KIAA1217: variants seen among roughly 807,000 people sequenced by gnomAD.
KIAA1217 encodes the protein KIAA1217, also known as sickle tail protein homolog.
Under a neutral mutation model 163.9 loss-of-function variants are expected in KIAA1217, and 88 were observed. That is an observed-to-expected ratio of 0.54 (90% CI 0.45 to 0.64). KIAA1217 has a LOEUF of 0.64. KIAA1217 is among the 30% of genes least tolerant of loss of function. The pLI is 0.00. For synonymous variants in KIAA1217, 903 were observed against 923.1 expected, an observed-to-expected ratio of 0.98 and a Z score of 0.39; for missense variants, 2,372 against 2,475.0, an observed-to-expected ratio of 0.96 and a Z score of 0.88.
intron 6 of KIAA1217, among the ~76,000 whole-genome samples, chr10:24,483,232 A>G (rs920404161): frequency 1.3e-5 from 2 of 152,246 alleles, no homozygotes; most frequent in Middle Eastern, 3.4e-3. Flanking sequence ...ACATTTCGCT[A>G]TCCTGCTGCC....
rs544191771 is a variant in KIAA1217, at chr10:23,943,973, A to C, written c.-320-63252A>C. ...AAAATAAAAGCTAAAACTAAAAAAC[A>C]TCTAGAAGCAAATATAGGTCAATCT... On this transcript the variant is annotated intron_variant, in intron 1 of 18. Coordinates refer to the KIAA1217 transcript ENST00000376462. Among the ~76,000 whole-genome samples, 7 of 152,370 alleles carry C rather than the reference A, an allele frequency of 4.6e-5. No individual in the cohort carries two copies. In the South Asian group the frequency reaches 8.3e-4, roughly 18 times the overall value.
At chr10:24,098,767 GAGAC>G (rs1368059512) in intron 2 of KIAA1217, among the ~76,000 whole-genome samples, 2 of 151,252 alleles carry the variant, frequency 1.3e-5, no homozygotes, top group Non-Finnish European at 3.0e-5. Flanking sequence ...GTGTTAGAGA[GAGAC>G]AGACAGACAC....
At chr10:24,517,172 T>TAA (rs34657439) in intron 10 of KIAA1217, among the ~76,000 whole-genome samples, 6 of 141,758 alleles carry the variant, frequency 4.2e-5, no homozygotes, top group Non-Finnish European at 7.8e-5. Context: ...AAAACCCTGT[T>TAA]AAAAAAAAAA....
At chr10:23,796,939 A>G (rs1836236136) in intron 1 of KIAA1217, among the ~76,000 whole-genome samples, 1 of 152,082 alleles carries the variant, frequency 6.6e-6, no homozygotes, top group African/African-American at 2.4e-5. Flanking sequence ...TGCAGCCTCA[A>G]TCTCCTGGGC....
chr10:24,219,767 G>T lies in KIAA1217; in HGVS notation c.212G>T (p.Gly71Val). 1 of 1,613,932 alleles carries T rather than the reference G, an allele frequency of 6.2e-7. No homozygotes were observed. The highest frequency in any genetic ancestry group is 8.5e-7 in the Non-Finnish European group (1 of 1,179,932). ...RNIPRRHTLGGPRSSKEILGM... is the reference protein window; with the variant it reads ...RNIPRRHTLGVPRSSKEILGM... ...ATCCCAAGGAGACACACCCTAGGGG[G>T]GCCCCGAAGTTCCAAGGAAATACTG... Residue 71 changes from glycine to valine, a missense_variant, in exon 2 of 21, where the codon GGG becomes GTG. Gly to Val is a moderately radical substitution (Grantham distance 109). Coordinates refer to ENST00000376454, the MANE Select transcript of KIAA1217 (RefSeq NM_019590.5).
chr10:23,804,698 AGCATATGATAGAAATATCATATTTATG>A (rs1321149292), intron 1 of KIAA1217, among the ~76,000 whole-genome samples: 1 of 152,194 alleles, frequency 6.6e-6, no homozygotes, highest in African/African-American at 2.4e-5. Context: ...TGCTTTATAC[AGCATATGATAGAAATATCATATTTATG>A]GCATATGTCA....
intron 1 of KIAA1217, among the ~76,000 whole-genome samples, chr10:23,934,503 T>G (rs1213062486): frequency 8.7e-6 from 1 of 114,942 alleles, no homozygotes; most frequent in Non-Finnish European, 1.7e-5. Flanking sequence ...TTTTCTTTCT[T>G]TTCTTTTTTT....
At chr10:23,871,672 C>T (rs1281178392) in intron 1 of KIAA1217, among the ~76,000 whole-genome samples, 2 of 152,074 alleles carry the variant, frequency 1.3e-5, no homozygotes, top group Non-Finnish European at 2.9e-5. Flanking sequence ...TTACAATCCA[C>T]CATGACTTTC....
At chr10:23,705,940 T>A (rs572573536) in intron 1 of KIAA1217, among the ~76,000 whole-genome samples, 1 of 152,274 alleles carries the variant, frequency 6.6e-6, no homozygotes, top group African/African-American at 2.4e-5. Flanking sequence ...TTTTCAACAT[T>A]GTTGCATAGT....
intron 11 of KIAA1217, among the ~76,000 whole-genome samples, chr10:24,521,060 T>TTTTG (rs1300747497): frequency 1.1e-4 from 16 of 148,780 alleles, no homozygotes; most frequent in African/African-American, 3.9e-4. Context: ...TTTTTTTTTT[T>TTTTG]TCTGGCCAGG....
chr10:24,036,212 A>G (rs996606224), intron 2 of KIAA1217, among the ~76,000 whole-genome samples: 3 of 152,196 alleles, frequency 2.0e-5, no homozygotes, highest in Admixed American at 1.3e-4. Flanking sequence ...AGAAACCAGG[A>G]AGAGAGTTCA....
chr10:23,828,332 G>T (rs1330590682), intron 1 of KIAA1217, among the ~76,000 whole-genome samples: 1 of 152,166 alleles, frequency 6.6e-6, no homozygotes, highest in African/African-American at 2.4e-5. Context: ...AGCAGATGGA[G>T]TAGGGACTCC....
chr10:24,182,169 C>G (rs2066202079), intron 2 of KIAA1217, among the ~76,000 whole-genome samples: 1 of 152,134 alleles, frequency 6.6e-6, no homozygotes, highest in African/African-American at 2.4e-5. Context: ...GAAGCAGTGG[C>G]TTATGCCTGT....
intron 9 of KIAA1217, among the ~76,000 whole-genome samples, chr10:24,502,338 G>C (rs1371847912): frequency 7.2e-6 from 1 of 138,334 alleles, no homozygotes; most frequent in Non-Finnish European, 1.5e-5. Flanking sequence ...AGGAAAAAAA[G>C]CCATCATGGT....
chr10:24,378,361 C>G (rs1306646135), intron 2 of KIAA1217, among the ~76,000 whole-genome samples: 1 of 152,108 alleles, frequency 6.6e-6, no homozygotes, highest in Non-Finnish European at 1.5e-5. Flanking sequence ...GAGTGGGTAG[C>G]CCTGTACTTT....
At chr10:24,212,659 C>T (rs1420692121) in intron 1 of KIAA1217, among the ~76,000 whole-genome samples, 1 of 152,206 alleles carries the variant, frequency 6.6e-6, no homozygotes, top group Non-Finnish European at 1.5e-5. Flanking sequence ...TCCCGGTGAG[C>T]ACGAGTGCCG....
chr10:24,195,713 G>C (rs576151104), intron 2 of KIAA1217, among the ~76,000 whole-genome samples: 1 of 152,214 alleles, frequency 6.6e-6, no homozygotes, highest in African/African-American at 2.4e-5. Flanking sequence ...GCTCTGGGGA[G>C]AGCCACTGAG....
At chr10:24,504,645 T>G (rs7924067) in intron 9 of KIAA1217, among the ~76,000 whole-genome samples, 1 of 152,028 alleles carries the variant, frequency 6.6e-6, no homozygotes, top group African/African-American at 2.4e-5. Flanking sequence ...AAAATTGAAT[T>G]AGAAATTCAA....
intron 5 of KIAA1217, among the ~76,000 whole-genome samples, chr10:24,454,011 G>T (rs533862715): frequency 6.6e-6 from 1 of 152,068 alleles, no homozygotes; most frequent in South Asian, 2.1e-4. Flanking sequence ...TTAAGATGAA[G>T]CCCAAATTGA....
Sources: gnomAD v4.1 joint callset for allele counts (sites outside exome capture counted in the v4.1 genomes callset) on GRCh38, gnomAD v4.1.1 for gene constraint, MANE v1.5 for transcripts, NCBI Gene and HGNC (gene_info 2026-07-23, HGNC 2026-07-21) for gene names.